Variants in SPHKAP observed in about 807,000 individuals in gnomAD.
SPHKAP encodes the protein SPHK1 interactor, AKAP domain containing, also known as A-kinase anchor protein SPHKAP.
Under a neutral mutation model 137.5 loss-of-function variants are expected in SPHKAP, and 67 were observed. The observed-to-expected ratio is 0.49, with a 90% confidence interval of 0.40 to 0.60. SPHKAP has a LOEUF of 0.60. Ranked by LOEUF, SPHKAP falls within the 20% of genes least tolerant of loss-of-function variation. SPHKAP has a pLI of 0.00. For synonymous variants in SPHKAP, 813 were observed against 785.3 expected, an observed-to-expected ratio of 1.04 and a Z score of -0.59; for missense variants, 2,097 against 2,069.3, an observed-to-expected ratio of 1.01 and a Z score of -0.26.
intron 3 of SPHKAP, among the ~76,000 whole-genome samples, chr2:228,088,135 G>T (rs904535620): frequency 6.6e-6 from 1 of 152,048 alleles, no homozygotes; most frequent in Non-Finnish European, 1.5e-5. Flanking sequence ...CACAAGAAAA[G>T]TGAGAGAGAC....
At chr2:228,136,542 C>T (rs1699444326) in intron 1 of SPHKAP, among the ~76,000 whole-genome samples, 1 of 152,110 alleles carries the variant, frequency 6.6e-6, no homozygotes. Context: ...AGTTATTTCC[C>T]TAGAGAGAGA....
intron 1 of SPHKAP, among the ~76,000 whole-genome samples, chr2:228,147,852 A>T (rs1699820776): frequency 6.6e-6 from 1 of 152,152 alleles, no homozygotes; most frequent in Admixed American, 6.5e-5. Context: ...TTACATTTCT[A>T]AGGAGACTGA....
intron 3 of SPHKAP, among the ~76,000 whole-genome samples, chr2:228,102,476 A>G: frequency 6.6e-6 from 1 of 152,184 alleles, no homozygotes; most frequent in African/African-American, 2.4e-5. Flanking sequence ...AAGTAAAACA[A>G]AGTCATTGAT....
At chr2:228,040,906 T>C (rs1695815598) in intron 3 of SPHKAP, among the ~76,000 whole-genome samples, 1 of 152,194 alleles carries the variant, frequency 6.6e-6, no homozygotes, top group South Asian at 2.1e-4. Context: ...AGATTTCCAT[T>C]TTAAAGAACT....
intron 1 of SPHKAP, among the ~76,000 whole-genome samples, chr2:228,141,009 C>T (rs1179019872): frequency 7.9e-5 from 12 of 152,124 alleles, no homozygotes; most frequent in Non-Finnish European, 1.3e-4. Context: ...AAAAAACAGC[C>T]TAATAAGACA....
At chr2:228,086,978 T>A (rs1315246257) in intron 3 of SPHKAP, among the ~76,000 whole-genome samples, 1 of 152,096 alleles carries the variant, frequency 6.6e-6, no homozygotes, top group Non-Finnish European at 1.5e-5. Flanking sequence ...TTTAATTGGA[T>A]CAGACTGCTG....
At chr2:228,150,288 C>T (rs1017712289) in intron 1 of SPHKAP, among the ~76,000 whole-genome samples, 7 of 152,040 alleles carry the variant, frequency 4.6e-5, no homozygotes, top group African/African-American at 1.4e-4. Flanking sequence ...CCTTTGTTCC[C>T]CTGTCAAGCT....
At chr2:228,098,193 G>A (rs1452808568) in intron 3 of SPHKAP, among the ~76,000 whole-genome samples, 1 of 151,958 alleles carries the variant, frequency 6.6e-6, no homozygotes, top group Non-Finnish European at 1.5e-5. Context: ...GTGTGAGATG[G>A]TGTCTTATTG....
At chr2:228,059,580 C>T (rs191924238) in intron 3 of SPHKAP, among the ~76,000 whole-genome samples, 6 of 152,242 alleles carry the variant, frequency 3.9e-5, no homozygotes, top group South Asian at 2.1e-4. Flanking sequence ...AAAACAGAAT[C>T]GTAAAGTGGA....
Position 228,019,111 on chromosome 2 carries a change from G to T in SPHKAP, c.1743C>A (p.Cys581Ter). 2.5e-6 allele frequency: 4 copies of T among 1,614,014 alleles called. No individual in the cohort carries two copies. The highest frequency in any genetic ancestry group is 2.5e-6 in the Non-Finnish European group (3 of 1,180,018). ...CGLGEREEVT[C>*]SVAPSGSLPP... ...GGAGGCTACCACTTGGAGCCACTGA[G>T]CATGTCACCTCTTCTCTTTCACCCA... Residue 581 changes from cysteine (C) to a stop codon, truncating the protein, a stop_gained, in exon 7 of 12, where the codon TGC (cysteine) becomes TGA (stop). Transcript: ENST00000392056. LOFTEE classifies it high-confidence loss of function.
intron 1 of SPHKAP, among the ~76,000 whole-genome samples, chr2:228,171,641 C>T (rs1700587528): frequency 6.6e-6 from 1 of 152,132 alleles, no homozygotes; most frequent in African/African-American, 2.4e-5. Context: ...GAATGAGTAT[C>T]AACTTCCTGG....
intron 3 of SPHKAP, 97 bp downstream of exon 3, chr2:228,108,735 T>C: frequency 1.3e-6 from 1 of 780,620 alleles, no homozygotes; most frequent in Non-Finnish European, 2.1e-6. Flanking sequence ...CTCAACTTGG[T>C]ATTTAATGAA....
At position 228,164,042 on chromosome 2, in the gene SPHKAP, A is replaced by G. The variant is rs145539487; in HGVS notation, c.32+17525T>C. On this transcript the variant is annotated intron_variant, in intron 1 of 11. Coordinates refer to ENST00000392056, the MANE Select transcript of SPHKAP (RefSeq NM_001142644.2). ...AGACCCACTCCCAGTGTGGGTGGGC[A>G]CCATCCAATTGGCTTGCCAGCACAG... Among the ~76,000 whole-genome samples, 1,108 of 152,272 alleles carry G rather than the reference A, an allele frequency of 7.3e-3. 12 individuals are homozygous for G. Among genetic ancestry groups the G allele is most frequent in the Admixed American group, 0.013 (203 of 15,278 alleles).
chr2:228,103,330 T>C (rs896429166), intron 3 of SPHKAP, among the ~76,000 whole-genome samples: 3 of 152,198 alleles, frequency 2.0e-5, no homozygotes, highest in Non-Finnish European at 4.4e-5. Context: ...GCCACACAGA[T>C]GGGCTTGGGG....
At chr2:228,151,078 C>T (rs1202122866) in intron 1 of SPHKAP, among the ~76,000 whole-genome samples, 2 of 137,986 alleles carry the variant, frequency 1.4e-5, no homozygotes, top group African/African-American at 5.3e-5. Context: ...TGCTATCCCT[C>T]CCCGCTCCCC....
intron 1 of SPHKAP, among the ~76,000 whole-genome samples, chr2:228,153,082 C>T (rs1699987046): frequency 6.6e-6 from 1 of 152,148 alleles, no homozygotes; most frequent in Admixed American, 6.6e-5. Flanking sequence ...TGCCTTTCCT[C>T]TTCCACCATG....
At chr2:228,171,430 T>C (rs745830864) in intron 1 of SPHKAP, among the ~76,000 whole-genome samples, 55 of 152,260 alleles carry the variant, frequency 3.6e-4, no homozygotes, top group Admixed American at 3.9e-4. Context: ...GAATAGCACT[T>C]GCTATTTAAA....
intron 3 of SPHKAP, among the ~76,000 whole-genome samples, chr2:228,041,001 G>C (rs953134463): frequency 6.6e-6 from 1 of 152,132 alleles, no homozygotes; most frequent in Non-Finnish European, 1.5e-5. Flanking sequence ...GTAGAAAAAT[G>C]TGTTTCTACA....
intron 3 of SPHKAP, among the ~76,000 whole-genome samples, chr2:228,090,047 G>C (rs1394238782): frequency 2.0e-5 from 3 of 152,194 alleles, no homozygotes; most frequent in Non-Finnish European, 4.4e-5. Context: ...GGGGGTTGCT[G>C]TCCTCCAGAC....
Sources: gnomAD v4.1 joint callset for allele counts (sites outside exome capture counted in the v4.1 genomes callset) on GRCh38, gnomAD v4.1.1 for gene constraint, MANE v1.5 for transcripts, NCBI Gene and HGNC (gene_info 2026-07-23, HGNC 2026-07-21) for gene names.